Variants in SEMA5A observed in about 807,000 individuals in gnomAD.
SEMA5A encodes semaphorin-5A.
A neutral mutation model predicts 135.5 loss-of-function variants in SEMA5A; 55 were observed. That is an observed-to-expected ratio of 0.41 (90% confidence interval 0.33 to 0.51). The LOEUF is 0.51. Among genes scored for constraint, SEMA5A ranks in the 20% least tolerant of loss-of-function variants. The probability of loss-of-function intolerance (pLI) is 0.37; values close to 1 mark genes in which losing one functional copy is unlikely to be tolerated. For missense variants in SEMA5A, 1,290 were observed against 1,419.9 expected (o/e 0.91, Z 1.47); for synonymous variants, 580 against 546.5 (o/e 1.06, Z -0.85).
chr5:9,273,735 A>C (rs2150547181), intron 5 of SEMA5A, among the ~76,000 whole-genome samples: 1 of 152,250 alleles, frequency 6.6e-6, no homozygotes, highest in East Asian at 1.9e-4. Context: ...TATCCAGCCA[A>C]ACTAAGCTTC....
chr5:9,315,977 T>C (rs1314453121), intron 5 of SEMA5A, among the ~76,000 whole-genome samples: 3 of 152,174 alleles, frequency 2.0e-5, no homozygotes, highest in Non-Finnish European at 4.4e-5. Context: ...TTTGCCTAAA[T>C]CGATTTTTAG....
intron 1 of SEMA5A, among the ~76,000 whole-genome samples, chr5:9,492,083 T>C (rs268473): frequency 0.97 from 147,233 of 152,280 alleles, 71,418 homozygotes; most frequent in Non-Finnish European, 0.99. Context: ...CTGCTGTGTA[T>C]GACACATTCT....
At chr5:9,339,747 T>C (rs2150724984) in intron 3 of SEMA5A, among the ~76,000 whole-genome samples, 1 of 152,306 alleles carries the variant, frequency 6.6e-6, no homozygotes, top group Admixed American at 6.5e-5. Flanking sequence ...ATTTCATATG[T>C]GACAGCAAAG....
chr5:9,295,230 T>C (rs1485498348), intron 5 of SEMA5A, among the ~76,000 whole-genome samples: 1 of 152,184 alleles, frequency 6.6e-6, no homozygotes, highest in Non-Finnish European at 1.5e-5. Context: ...TTTCCATTAT[T>C]AAAAGTCCAT....
intron 18 of SEMA5A, 134 bp downstream of exon 18, chr5:9,062,753 G>A (rs1737251971): frequency 3.4e-6 from 3 of 877,870 alleles, no homozygotes; most frequent in Non-Finnish European, 5.4e-6. Context: ...GAGCAACCAC[G>A]CATAGCCAAG....
intron 2 of SEMA5A, among the ~76,000 whole-genome samples, chr5:9,417,203 GAAGT>G (rs1757311857): frequency 6.6e-6 from 1 of 152,296 alleles, no homozygotes; most frequent in African/African-American, 2.4e-5. Flanking sequence ...TTGCCCATAA[GAAGT>G]TTTACTAGAA....
intron 8 of SEMA5A, among the ~76,000 whole-genome samples, chr5:9,202,542 G>A (rs1745775084): frequency 6.6e-6 from 1 of 152,150 alleles, no homozygotes; most frequent in Non-Finnish European, 1.5e-5. Context: ...GCAAATATTT[G>A]CAGTACATTT....
chr5:9,524,118 G>A (rs1392038807), intron 1 of SEMA5A, among the ~76,000 whole-genome samples: 1 of 152,134 alleles, frequency 6.6e-6, no homozygotes, highest in East Asian at 1.9e-4. Context: ...ACGAAATCTG[G>A]TTGTTGAAAA....
chr5:9,052,006 G>C lies in SEMA5A; in HGVS notation c.2712C>G (p.Asp904Glu), dbSNP rs1251675058. Residue 904 changes from aspartate (D) to glutamate (E), a missense_variant, in exon 20 of 23, where the codon GAC becomes GAG. Around this residue, in one of 3 missense-constraint regions of SEMA5A, gnomAD observed 1,029 missense variants for 1,086.6 expected, o/e 0.95. Transcript: ENST00000382496. ...CGCCAGAGGCTTCACACTCAGACCAGTCCGACCACTCCGACCAGCTCTCTG... is the reference window on the plus strand; with the variant it reads ...CGCCAGAGGCTTCACACTCAGACCACTCCGACCACTCCGACCAGCTCTCTG... Reference protein sequence around the residue: ...PCPESWSEWSDWSECEASGVQ... With the variant: ...PCPESWSEWSEWSECEASGVQ... 4 of 1,611,738 alleles carry C rather than the reference G, an allele frequency of 2.5e-6. No homozygotes were observed. Among genetic ancestry groups the C allele is most frequent in the Non-Finnish European group, 3.4e-6 (4 of 1,178,780 alleles).
At chr5:9,269,121 G>A (rs187241060) in intron 5 of SEMA5A, among the ~76,000 whole-genome samples, 1 of 152,030 alleles carries the variant, frequency 6.6e-6, no homozygotes, top group African/African-American at 2.4e-5. Context: ...AAAATCCGCG[G>A]GATGGAGACT....
chr5:9,273,005 G>A (rs992799775), intron 5 of SEMA5A, among the ~76,000 whole-genome samples: 1 of 152,198 alleles, frequency 6.6e-6, no homozygotes, highest in Non-Finnish European at 1.5e-5. Context: ...GACGGAGAAT[G>A]AGTTTGATGA....
intron 1 of SEMA5A, among the ~76,000 whole-genome samples, chr5:9,497,305 A>T (rs1051995165): frequency 1.1e-4 from 16 of 152,192 alleles, no homozygotes; most frequent in African/African-American, 3.9e-4. Context: ...TGTATGCACA[A>T]GTATCTTTTT....
Position 9,383,979 on chromosome 5 carries a change from T to C in SEMA5A, c.-77-3956A>G, listed in dbSNP as rs530419812. Among the ~76,000 whole-genome samples the C allele has an allele frequency of 1.1e-4, 16 of 152,296 alleles. No individual in the cohort carries two copies. The South Asian group carries it at 3.3e-3, about 32-fold the overall frequency. On this transcript the variant is annotated intron_variant, in intron 2 of 22. Transcript: ENST00000382496. ...AATGGAACACGTAGTTCAAGGGTGA[T>C]GAGCTGAAATGACATGTTTGTCATG...
chr5:9,481,097 C>A (rs1024739035), intron 1 of SEMA5A, among the ~76,000 whole-genome samples: 1 of 152,090 alleles, frequency 6.6e-6, no homozygotes, highest in Non-Finnish European at 1.5e-5. Context: ...AGGTGCATAA[C>A]TACCACGCCC....
chr5:9,110,408 C>G (rs774721879), intron 15 of SEMA5A, among the ~76,000 whole-genome samples: 2 of 152,172 alleles, frequency 1.3e-5, no homozygotes, highest in East Asian at 3.9e-4. Flanking sequence ...GCCCATAGAA[C>G]AAACAGCAAC....
intron 16 of SEMA5A, among the ~76,000 whole-genome samples, chr5:9,090,672 C>T (rs939145900): frequency 6.6e-6 from 1 of 152,150 alleles, no homozygotes; most frequent in African/African-American, 2.4e-5. Flanking sequence ...CTACTTTATG[C>T]CAGGCACTGA....
intron 2 of SEMA5A, among the ~76,000 whole-genome samples, chr5:9,385,252 G>A (rs1275392759): frequency 2.0e-5 from 3 of 152,154 alleles, no homozygotes; most frequent in East Asian, 1.9e-4. Context: ...TCACTCCCAC[G>A]CTACAACTGA....
intron 5 of SEMA5A, among the ~76,000 whole-genome samples, chr5:9,307,601 C>G (rs1347913591): frequency 6.6e-6 from 1 of 151,866 alleles, no homozygotes; most frequent in East Asian, 1.9e-4. Context: ...GAAATCATTA[C>G]TAAAATTTGG....
intron 9 of SEMA5A, among the ~76,000 whole-genome samples, chr5:9,201,414 T>C (rs1745697078): frequency 6.6e-6 from 1 of 152,182 alleles, no homozygotes; most frequent in Admixed American, 6.5e-5. Context: ...TACAAAAATA[T>C]TTCAAAAGTA....
Sources: allele counts gnomAD v4.1 joint callset (sites outside exome capture counted in the v4.1 genomes callset), GRCh38; gene constraint gnomAD v4.1.1; regional missense constraint gnomAD v4.1.1; transcripts MANE v1.5; gene names NCBI Gene and HGNC (gene_info 2026-07-23, HGNC 2026-07-21).